The following SNX18 variants were observed in gnomAD, a reference collection of about 807,000 sequenced individuals.
SNX18 encodes the protein sorting nexin-18.
Under a neutral mutation model 48.7 loss-of-function variants are expected in SNX18, and 35 were observed. The ratio of observed to expected loss-of-function variants is 0.72; its 90% CI spans 0.55 to 0.95. The LOEUF (loss-of-function observed/expected upper bound fraction) is 0.95, where lower values mean the gene tolerates loss of function less well. Among genes scored for constraint, SNX18 ranks in the 40% least tolerant of loss-of-function variants. The pLI is 0.00. For missense variants in SNX18, 824 were observed against 871.0 expected (o/e 0.95, Z 0.68); for synonymous variants, 492 against 384.7 (o/e 1.28, Z -3.26).
chr5:54,574,071 T>C, the SNX18 span, among the ~76,000 whole-genome samples: 1 of 152,132 alleles, frequency 6.6e-6, no homozygotes, highest in South Asian at 2.1e-4. Flanking sequence ...GAGCAACTCA[T>C]CTCTGCTCCC....
chr5:54,599,571 A>G, the SNX18 span, among the ~76,000 whole-genome samples: 1 of 152,186 alleles, frequency 6.6e-6, no homozygotes, highest in Non-Finnish European at 1.5e-5. Flanking sequence ...ACCCTACCAG[A>G]CTTCATTCAA....
At chr5:54,616,942 G>A in the SNX18 span, among the ~76,000 whole-genome samples, 1 of 152,164 alleles carries the variant, frequency 6.6e-6, no homozygotes, top group Non-Finnish European at 1.5e-5. Context: ...TTTGGGGACA[G>A]GGAAGTCTCT....
the SNX18 span, among the ~76,000 whole-genome samples, chr5:54,599,975 A>C: frequency 1.3e-5 from 2 of 152,206 alleles, no homozygotes; most frequent in Non-Finnish European, 2.9e-5. Flanking sequence ...CAAAAGCAAA[A>C]ATTGACAAAT....
the SNX18 span, among the ~76,000 whole-genome samples, chr5:54,596,524 T>A: frequency 6.6e-6 from 1 of 152,162 alleles, no homozygotes; most frequent in Non-Finnish European, 1.5e-5. Flanking sequence ...ATACATCAAC[T>A]AGATGATTAA....
chr5:54,555,806 G>A, the SNX18 span, among the ~76,000 whole-genome samples: 285 of 148,136 alleles, frequency 1.9e-3, no homozygotes, highest in Middle Eastern at 0.01. Flanking sequence ...CAACCTGGGC[G>A]ACAGAGTGAG....
chr5:54,644,058 C>T, the SNX18 span: 1 of 152,198 alleles, frequency 6.6e-6, no homozygotes, highest in Non-Finnish European at 1.5e-5. Context: ...ATTTATAAGC[C>T]ATAACCTTAG....
intron 1 of SNX18, among the ~76,000 whole-genome samples, chr5:54,540,556 C>T (rs995198116): frequency 1.4e-4 from 20 of 147,406 alleles, no homozygotes; most frequent in African/African-American, 4.6e-4. Flanking sequence ...TACGGATGGA[C>T]ATCTGTAATT....
At chr5:54,587,559 G>A in the SNX18 span, among the ~76,000 whole-genome samples, 11 of 152,084 alleles carry the variant, frequency 7.2e-5, no homozygotes, top group African/African-American at 2.4e-4. Context: ...TTCTCTCCGT[G>A]GTGCCCAATT....
the SNX18 span, among the ~76,000 whole-genome samples, chr5:54,599,664 A>T: frequency 2.0e-5 from 3 of 152,146 alleles, no homozygotes; most frequent in Non-Finnish European, 2.9e-5. Flanking sequence ...CAGAATAGAG[A>T]ACTCAGAAAT....
chr5:54,552,312 A>C, the SNX18 span, among the ~76,000 whole-genome samples: 93 of 152,322 alleles, frequency 6.1e-4, 1 homozygote, highest in African/African-American at 2.0e-3. Context: ...TCATGAAGAA[A>C]GCTGGCCTCA....
At chr5:54,555,821 T>C in the SNX18 span, among the ~76,000 whole-genome samples, 1 of 147,824 alleles carries the variant, frequency 6.8e-6, no homozygotes, top group African/African-American at 2.5e-5. Flanking sequence ...AGTGAGACCT[T>C]GTCTCAAAAA....
the SNX18 span, among the ~76,000 whole-genome samples, chr5:54,597,929 C>CAA: frequency 1.3e-5 from 2 of 151,678 alleles, no homozygotes; most frequent in South Asian, 2.1e-4. Context: ...AAAAACCCTT[C>CAA]AAAAAAATCA....
At chr5:54,635,137 A>G in the SNX18 span, among the ~76,000 whole-genome samples, 1 of 151,750 alleles carries the variant, frequency 6.6e-6, no homozygotes. Context: ...ACATAAACAC[A>G]TTTTGTGTTT....
the SNX18 span, among the ~76,000 whole-genome samples, chr5:54,588,453 G>A: frequency 3.3e-5 from 5 of 150,274 alleles, no homozygotes; most frequent in South Asian, 4.3e-4. Flanking sequence ...TCAGCCTCCC[G>A]AGCAGCTGGG....
At chr5:54,521,779 G>T (rs1191986064) in intron 1 of SNX18, among the ~76,000 whole-genome samples, 1 of 152,030 alleles carries the variant, frequency 6.6e-6, no homozygotes, top group Non-Finnish European at 1.5e-5. Flanking sequence ...TGTTGCCCAG[G>T]CTTGTCTCTA....
chr5:54,628,332 G>A, the SNX18 span, among the ~76,000 whole-genome samples: 2 of 152,154 alleles, frequency 1.3e-5, no homozygotes, highest in Non-Finnish European at 2.9e-5. Flanking sequence ...CAGAGAGGCT[G>A]TTCCAAGCCC....
chr5:54,583,898 T>G, the SNX18 span, among the ~76,000 whole-genome samples: 1 of 152,190 alleles, frequency 6.6e-6, no homozygotes, highest in Non-Finnish European at 1.5e-5. Flanking sequence ...AGATGCCCTC[T>G]GCTGTAATGA....
chr5:54,613,012 C>A, the SNX18 span, among the ~76,000 whole-genome samples: 1 of 152,258 alleles, frequency 6.6e-6, no homozygotes. Context: ...ACATTCCTGG[C>A]CTTGCCAAGT....
chr5:54,560,785 C>G, the SNX18 span, among the ~76,000 whole-genome samples: 1 of 152,084 alleles, frequency 6.6e-6, no homozygotes, highest in Non-Finnish European at 1.5e-5. Flanking sequence ...CCAGCACGGC[C>G]AAGGGGAGGC....
Sources: allele counts gnomAD v4.1 joint callset (sites outside exome capture counted in the v4.1 genomes callset), GRCh38; gene constraint gnomAD v4.1.1; transcripts MANE v1.5; gene names NCBI Gene and HGNC (gene_info 2026-07-23, HGNC 2026-07-21).